EML4: variants seen among roughly 807,000 people sequenced by gnomAD.
The protein encoded by EML4 is echinoderm microtubule-associated protein-like 4.
A neutral mutation model predicts 129.0 loss-of-function variants in EML4; 72 were observed. The ratio of observed to expected loss-of-function variants is 0.56; its 90% CI spans 0.46 to 0.68. EML4 has a LOEUF of 0.68. Ranked by LOEUF, EML4 falls within the 30% of genes least tolerant of loss-of-function variation. The pLI, the probability that EML4 is intolerant of heterozygous loss-of-function variation, is 0.00. For synonymous variants in EML4, 532 were observed against 405.0 expected (o/e 1.31, Z -3.77); for missense variants, 1,363 against 1,190.6 (o/e 1.14, Z -2.13).
intron 17 of EML4, among the ~76,000 whole-genome samples, chr2:42,311,597 A>T (rs1307279251): frequency 6.6e-6 from 1 of 152,218 alleles, no homozygotes; most frequent in Admixed American, 6.5e-5. Context: ...AAGTTTCCAT[A>T]AACTCATTAA....
chr2:42,264,233 G>T (rs1226527272), intron 5 of EML4, among the ~76,000 whole-genome samples: 3 of 146,440 alleles, frequency 2.0e-5, no homozygotes, highest in African/African-American at 7.4e-5. Context: ...TCCTACCCCA[G>T]CTTCCTGGGT....
intron 18 of EML4, among the ~76,000 whole-genome samples, chr2:42,317,169 A>G (rs999906532): frequency 6.6e-6 from 1 of 152,210 alleles, no homozygotes; most frequent in Non-Finnish European, 1.5e-5. Flanking sequence ...AGAAGGCAGG[A>G]TAACCTCTGG....
intron 1 of EML4, among the ~76,000 whole-genome samples, chr2:42,239,717 A>C (rs1674894522): frequency 6.9e-6 from 1 of 145,690 alleles, no homozygotes; most frequent in Admixed American, 6.8e-5. Context: ...AAAATGTTTA[A>C]AGGGAGGGGA....
chr2:42,211,506 A>G (rs1259450689), intron 1 of EML4, among the ~76,000 whole-genome samples: 1 of 152,200 alleles, frequency 6.6e-6, no homozygotes, highest in Non-Finnish European at 1.5e-5. Flanking sequence ...GTAGTCGGAA[A>G]TTGTCTGAAC....
chr2:42,286,242 T>G (rs1317363932), intron 9 of EML4, 27 bp from the exon 10 acceptor site: 1 of 1,329,838 alleles, frequency 7.5e-7, no homozygotes, highest in East Asian at 2.3e-5. Flanking sequence ...ACCTGTCCAG[T>G]TGCTCTGCTG....
chr2:42,281,648 G>T lies in EML4; in HGVS notation c.791+675G>T, dbSNP rs75068276. Among the ~76,000 whole-genome samples the T allele has an allele frequency of 5.3e-5, 8 of 152,316 alleles. No homozygotes were observed. In the East Asian group the frequency reaches 1.2e-3, roughly 22 times the overall value. On this transcript the variant is annotated intron_variant, in intron 7 of 22. Coordinates refer to ENST00000318522, the MANE Select transcript of EML4 (RefSeq NM_019063.5). ...TAATAACCCATACCTCACAGGGGCT[G>T]TTGTAGGAATTAAATAAGAAAACAT...
chr2:42,280,792 T>A (rs1666960541), intron 6 of EML4, 58 bp from the exon 7 acceptor site: 1 of 1,391,796 alleles, frequency 7.2e-7, no homozygotes, highest in Admixed American at 2.2e-5. Context: ...AATAATCCAC[T>A]TTTGTATGAC....
intron 1 of EML4, among the ~76,000 whole-genome samples, chr2:42,182,683 A>G: frequency 6.6e-6 from 1 of 152,154 alleles, no homozygotes; most frequent in East Asian, 1.9e-4. Flanking sequence ...CACTTCCCAA[A>G]TCTTGTTTAC....
intron 1 of EML4, among the ~76,000 whole-genome samples, chr2:42,212,496 A>G (rs1370238972): frequency 1.3e-5 from 2 of 152,122 alleles, no homozygotes; most frequent in Admixed American, 6.6e-5. Flanking sequence ...TTAGCAATAC[A>G]TGTTTCATTG....
Position 42,332,291 on chromosome 2 carries a change from G to C in EML4, c.*2084G>C. The C allele has an allele frequency of 4.7e-6, 1 of 213,962 alleles. No individual in the cohort carries two copies. Among genetic ancestry groups the C allele is most frequent in the East Asian group, 7.0e-5 (1 of 14,380 alleles). The allele number at this position is 213,962 out of a possible 1,614,324, so 13.3% of individuals were successfully genotyped here. A position where few individuals can be genotyped will look rare whatever the true frequency, so the allele number is the denominator to read the frequency against. On this transcript the variant is annotated 3_prime_UTR_variant, in exon 23 of 23. Coordinates refer to ENST00000318522, the MANE Select transcript of EML4 (RefSeq NM_019063.5). Reference sequence around the variant, plus strand: ...ATACTCTTCGGTGGTAGTTTCAAAAGACACTACTAATACGCAGGAAGCGTT... The same window carrying C: ...ATACTCTTCGGTGGTAGTTTCAAAACACACTACTAATACGCAGGAAGCGTT...
chr2:42,264,670 TATAAA>T (rs1340354940), intron 5 of EML4, 31 bp from the exon 6 acceptor site: 7 of 1,230,690 alleles, frequency 5.7e-6, no homozygotes, highest in Non-Finnish European at 8.2e-6. Context: ...CATATAAACT[TATAAA>T]ATAAATGTGT....
intron 6 of EML4, among the ~76,000 whole-genome samples, chr2:42,269,522 A>G (rs186594594): frequency 3.9e-5 from 6 of 152,344 alleles, no homozygotes; most frequent in Non-Finnish European, 5.9e-5. Flanking sequence ...AAACAGATAA[A>G]TACTTCATAT....
chr2:42,245,218 C>G (rs1675320682), intron 1 of EML4, among the ~76,000 whole-genome samples: 1 of 149,568 alleles, frequency 6.7e-6, no homozygotes, highest in African/African-American at 2.5e-5. Flanking sequence ...CCTCAGCCTC[C>G]CAAATAGCTG....
At chr2:42,300,919 G>A (rs193296512) in intron 13 of EML4, among the ~76,000 whole-genome samples, 1 of 152,258 alleles carries the variant, frequency 6.6e-6, no homozygotes, top group Admixed American at 6.5e-5. Flanking sequence ...AGATGATTAT[G>A]AGAGATAGTA....
chr2:42,186,392 G>C (rs578192006), intron 1 of EML4, among the ~76,000 whole-genome samples: 37 of 151,780 alleles, frequency 2.4e-4, no homozygotes, highest in Non-Finnish European at 4.3e-4. Context: ...CCTTTAACTT[G>C]ACAAACTTGC....
chr2:42,270,219 C>G (rs1331406007), intron 6 of EML4, among the ~76,000 whole-genome samples: 1 of 152,146 alleles, frequency 6.6e-6, no homozygotes, highest in Non-Finnish European at 1.5e-5. Flanking sequence ...ACAGTTGCCT[C>G]CTGTCCCCAC....
intron 17 of EML4, among the ~76,000 whole-genome samples, chr2:42,308,682 T>A (rs749484009): frequency 2.0e-5 from 3 of 152,162 alleles, no homozygotes; most frequent in Non-Finnish European, 4.4e-5. Flanking sequence ...ACAGTCTAAT[T>A]TCAGAACAAT....
rs1156471841 is a variant in EML4, at chr2:42,301,405, A to G, written c.1641+13A>G. The G allele has an allele frequency of 1.3e-6, 2 of 1,595,786 alleles. No homozygotes were observed. Among genetic ancestry groups the G allele is most frequent in the Non-Finnish European group, 1.7e-6 (2 of 1,171,830 alleles). On this transcript the variant is annotated intron_variant, in intron 14 of 22. Coordinates refer to ENST00000318522, the MANE Select transcript of EML4 (RefSeq NM_019063.5). Reference sequence around the variant, plus strand: ...AAGAGAAATAGAGGTAAGGATGGAAACGGAATATAAAAATATTAAATACTC... The same window carrying G: ...AAGAGAAATAGAGGTAAGGATGGAAGCGGAATATAAAAATATTAAATACTC...
At chr2:42,264,982 C>G (rs949121322) in intron 6 of EML4, 2 of 1,539,628 alleles carry the variant, frequency 1.3e-6, no homozygotes, top group African/African-American at 2.8e-5. Flanking sequence ...TGGTTGCCTT[C>G]TAAGTGAATT....
Sources: allele counts gnomAD v4.1 joint callset (sites outside exome capture counted in the v4.1 genomes callset), GRCh38; gene constraint gnomAD v4.1.1; transcripts MANE v1.5; gene names NCBI Gene and HGNC (gene_info 2026-07-23, HGNC 2026-07-21).